Variants in SPATA22 observed in about 807,000 individuals in gnomAD.
SPATA22 encodes spermatogenesis-associated protein 22.
Under a neutral mutation model 47.8 loss-of-function variants are expected in SPATA22, and 29 were observed. That is an observed-to-expected ratio of 0.61 (90% CI 0.45 to 0.83). The LOEUF (loss-of-function observed/expected upper bound fraction) is 0.83. SPATA22 is among the 40% of genes least tolerant of loss of function. The pLI is 0.00. For synonymous variants in SPATA22, 133 were observed against 140.9 expected (o/e 0.94, Z 0.40); for missense variants, 410 against 421.7 (o/e 0.97, Z 0.24).
intron 1 of SPATA22, among the ~76,000 whole-genome samples, chr17:3,486,822 C>T (rs17762979): frequency 0.068 from 10,338 of 152,042 alleles, 419 homozygotes; most frequent in Middle Eastern, 0.16. Context: ...CTTTATATGC[C>T]ATCTTTGGTG....
At chr17:3,463,477 A>C (rs568110578) in intron 3 of SPATA22, among the ~76,000 whole-genome samples, 1 of 152,212 alleles carries the variant, frequency 6.6e-6, no homozygotes, top group Non-Finnish European at 1.5e-5. Context: ...AGGTACAGTA[A>C]AAATATAATA....
intron 5 of SPATA22, among the ~76,000 whole-genome samples, chr17:3,450,571 T>A (rs1040587786): frequency 6.6e-6 from 1 of 152,156 alleles, no homozygotes; most frequent in African/African-American, 2.4e-5. Context: ...CACAAGTGAT[T>A]CTCCTGCCTC....
chr17:3,454,382 G>A (rs2072935399), intron 5 of SPATA22, among the ~76,000 whole-genome samples: 1 of 151,834 alleles, frequency 6.6e-6, no homozygotes, highest in African/African-American at 2.4e-5. Context: ...CATGTGCCAT[G>A]CTGGTGTGCT....
At chr17:3,459,704 G>A (rs2073083699) in intron 5 of SPATA22, among the ~76,000 whole-genome samples, 1 of 152,150 alleles carries the variant, frequency 6.6e-6, no homozygotes, top group Non-Finnish European at 1.5e-5. Flanking sequence ...CACTGCATCT[G>A]GCCCTAATTA....
At chr17:3,512,947 A>G (rs2074132973) in intron 1 of SPATA22, 1 of 152,164 alleles carries the variant, frequency 6.6e-6, no homozygotes, top group Non-Finnish European at 1.5e-5. Flanking sequence ...TTTCTGCTTC[A>G]GCGAAAGCCA....
chr17:3,470,488 G>C (rs2073403396), intron 1 of SPATA22, among the ~76,000 whole-genome samples: 1 of 152,138 alleles, frequency 6.6e-6, no homozygotes, highest in Non-Finnish European at 1.5e-5. Flanking sequence ...AGTGGCTCAC[G>C]CCTGTAATCC....
chr17:3,502,950 T>C (rs1362653838), intron 1 of SPATA22: 1 of 152,148 alleles, frequency 6.6e-6, no homozygotes, highest in African/African-American at 2.4e-5. Context: ...ACAGCTATGG[T>C]TTGCAAATAC....
At chr17:3,491,923 G>T (rs1442668074) in intron 1 of SPATA22, among the ~76,000 whole-genome samples, 2 of 134,072 alleles carry the variant, frequency 1.5e-5, no homozygotes, top group African/African-American at 5.5e-5. Flanking sequence ...TGTTGCCTAG[G>T]CTGGAGTGCA....
chr17:3,475,502 T>A (rs1183553684), upstream of SPATA22: 1 of 152,350 alleles, frequency 6.6e-6, no homozygotes, highest in African/African-American at 2.4e-5. Flanking sequence ...TGTTTCAGGG[T>A]AGCTTTTCGA....
chr17:3,458,855 C>CAAAAAAAAAAAAAAAAA lies in SPATA22; in HGVS notation c.329+3611_329+3627dup, dbSNP rs545223532. On this transcript the variant is annotated intron_variant, in intron 5 of 8. Coordinates refer to ENST00000572969, the MANE Select transcript of SPATA22 (RefSeq NM_001170698.2). The stretch of plus-strand genomic sequence containing the variant: ...CCTGGGCAACAAGAGCGAAACTTCA[C>CAAAAAAAAAAAAAAAAA]AAAAAAAAAAAAAAAAAAAAAAAAA... 2.5e-3 allele frequency among the ~76,000 whole-genome samples: 96 copies of CAAAAAAAAAAAAAAAAA among 38,342 alleles called. 2 individuals are homozygous for CAAAAAAAAAAAAAAAAA. Among genetic ancestry groups the CAAAAAAAAAAAAAAAAA allele is most frequent in the African/African-American group, 4.8e-3 (42 of 8,766 alleles). The allele number at this position is 38,342 out of a possible 152,430, so 25.2% of individuals were successfully genotyped here. A position where few individuals can be genotyped will look rare whatever the true frequency, so the allele number is the denominator to read the frequency against.
intron 5 of SPATA22, among the ~76,000 whole-genome samples, chr17:3,461,475 T>A (rs1338313389): frequency 6.6e-6 from 1 of 152,154 alleles, no homozygotes; most frequent in Admixed American, 6.5e-5. Context: ...ATTATCTGTC[T>A]AATGCTTGTC....
chr17:3,487,895 A>G (rs1355445961), intron 1 of SPATA22, among the ~76,000 whole-genome samples: 3 of 152,210 alleles, frequency 2.0e-5, no homozygotes, highest in African/African-American at 7.2e-5. Flanking sequence ...CATATCTACA[A>G]ACACACTTTT....
chr17:3,462,442 G>T, intron 5 of SPATA22, 41 bp downstream of exon 5: 1 of 1,357,084 alleles, frequency 7.4e-7, no homozygotes, highest in South Asian at 1.3e-5. Flanking sequence ...ACAGGAAAAT[G>T]AGAAGGAATA....
At chr17:3,468,662 G>A (rs1203792489) in intron 2 of SPATA22, among the ~76,000 whole-genome samples, 1 of 152,148 alleles carries the variant, frequency 6.6e-6, no homozygotes, top group Non-Finnish European at 1.5e-5. Flanking sequence ...TTCAAATTCT[G>A]ATTCTGCTAC....
rs1013976657 is a variant in SPATA22, at chr17:3,485,405, A to T, written c.-73-16007T>A. On this transcript the variant is annotated intron_variant, in intron 1 of 8. Transcript: ENST00000541913. The surrounding 1 kb of genome is among the most constrained non-coding windows in gnomAD (Gnocchi z 4.4). ...GTTCTATAACTATAACCATATATAAAATACTAGCCAACCAGGAGAATCGCT... is the reference window on the plus strand; with the variant it reads ...GTTCTATAACTATAACCATATATAATATACTAGCCAACCAGGAGAATCGCT... Among the ~76,000 whole-genome samples the T allele has an allele frequency of 7.9e-5, 12 of 152,240 alleles. No individual in the cohort carries two copies. Among genetic ancestry groups the T allele is most frequent in the African/African-American group, 2.6e-4 (11 of 41,546 alleles).
At chr17:3,498,181 C>T (rs2073938946) in intron 1 of SPATA22, among the ~76,000 whole-genome samples, 1 of 152,176 alleles carries the variant, frequency 6.6e-6, no homozygotes, top group Non-Finnish European at 1.5e-5. Flanking sequence ...ATGTCTTGCA[C>T]ACAGAAGACT....
At chr17:3,508,395 A>G (rs1038560365) in intron 1 of SPATA22, among the ~76,000 whole-genome samples, 3 of 151,986 alleles carry the variant, frequency 2.0e-5, no homozygotes, top group African/African-American at 7.3e-5. Context: ...CCATCCCATG[A>G]CTGGGTATAT....
At chr17:3,483,033 C>A (rs1364388865) in intron 1 of SPATA22, among the ~76,000 whole-genome samples, 2 of 145,230 alleles carry the variant, frequency 1.4e-5, no homozygotes, top group Non-Finnish European at 3.0e-5. Flanking sequence ...ACTTTGTTAT[C>A]CAAACCAAGA....
chr17:3,472,456 A>G, upstream of SPATA22: 1 of 152,574 alleles, frequency 6.6e-6, no homozygotes, highest in East Asian at 1.9e-4. Flanking sequence ...TGGCCCTGTG[A>G]CCTTGGGCAA....
Sources: allele counts gnomAD v4.1 joint callset (sites outside exome capture counted in the v4.1 genomes callset), GRCh38; gene constraint gnomAD v4.1.1; non-coding constraint Gnocchi (gnomAD v3.1); transcripts MANE v1.5; gene names NCBI Gene and HGNC (gene_info 2026-07-23, HGNC 2026-07-21).